The following CLCF1 variants were observed in gnomAD, a reference collection of about 807,000 sequenced individuals.
The protein encoded by CLCF1 is cardiotrophin-like cytokine factor 1.
In CLCF1, 10 loss-of-function variants were observed where a neutral mutation model predicts 21.2. The observed-to-expected ratio is 0.47, with a 90% CI of 0.29 to 0.80. CLCF1 has a LOEUF of 0.80. Ranked by LOEUF, CLCF1 falls within the 30% of genes least tolerant of loss-of-function variation. CLCF1 has a pLI of 0.09. For synonymous variants in CLCF1, 115 were observed against 120.5 expected (o/e 0.95, Z 0.30); for missense variants, 240 against 293.4 (o/e 0.82, Z 1.33).
At position 67,364,779 on chromosome 11, in the gene CLCF1, C is replaced by T. The variant is rs1182111730; in HGVS notation, c.*357G>A. 1 of 283,758 alleles carries T rather than the reference C, an allele frequency of 3.5e-6. No individual in the cohort carries two copies. The highest frequency in any genetic ancestry group is 2.2e-5 in the African/African-American group (1 of 45,600). The allele number at this position is 283,758 out of a possible 1,614,324, so 17.6% of individuals were successfully genotyped here. ...GCATGTGTGGTGGTGGCCCCTCAAC[C>T]CCTGCCCTCCAGATGTGCCACCTGA... On this transcript the variant is annotated 3_prime_UTR_variant, in exon 3 of 3. Transcript: ENST00000312438.
At position 67,367,359 on chromosome 11, in the gene CLCF1, CTCCTCACCCCATCAT is replaced by C. The variant is rs1392274509; in HGVS notation, c.183+86_183+100del. On this transcript the variant is annotated intron_variant, in intron 2 of 2. Coordinates refer to ENST00000312438, the MANE Select transcript of CLCF1 (RefSeq NM_013246.3). ...GGGACTGGTGGGAGCCAAAGAGCCC[CTCCTCACCCCATCAT>C]TTACCAGAACCCTCCACGGTTAGGA... 16 of 1,577,698 alleles carry C rather than the reference CTCCTCACCCCATCAT, an allele frequency of 1.0e-5. No individual in the cohort carries two copies. In the South Asian group the frequency reaches 1.6e-4, roughly 15 times the overall value.
At position 67,365,462 on chromosome 11, in the gene CLCF1, G is replaced by T. The variant is rs368762582; in HGVS notation, c.352C>A (p.Arg118Ser). 1.2e-6 allele frequency: 2 copies of T among 1,613,906 alleles called. No homozygotes were observed. Among genetic ancestry groups the T allele is most frequent in the African/African-American group, 1.3e-5 (1 of 74,952 alleles). The change falls in exon 3 of 3, where the codon CGT becomes AGT. Residue 118 changes from arginine to serine, a missense_variant. Arg to Ser is a moderately radical substitution (Grantham distance 110). Coordinates refer to ENST00000312438, the MANE Select transcript of CLCF1 (RefSeq NM_013246.3). The surrounding 1 kb of genome is among the most constrained non-coding windows in gnomAD (Gnocchi z 5.0). ...GTGGCAGCCTGACGGTTGAGGCCAC[G>T]CAAGTAACACAGAAGGTGGCTGTAG... is the stretch of plus-strand genomic sequence containing the variant. ...EAYSHLLCYLRGLNRQAATAE... is the reference protein window; with the variant it reads ...EAYSHLLCYLSGLNRQAATAE...
chr11:67,371,638 AG>A (rs1194725362), intron 1 of CLCF1, among the ~76,000 whole-genome samples: 1 of 152,064 alleles, frequency 6.6e-6, no homozygotes, highest in Non-Finnish European at 1.5e-5. Context: ...GCGGGGAGCC[AG>A]GGGGGAGCCC....
Position 67,370,519 on chromosome 11 carries a change from C to T in CLCF1, c.17-2893G>A, listed in dbSNP as rs181347281. ...TGAGCACGTGAGGAGCTAACGAGTA[C>T]AGCTCACGTTTCCTGCAACAGCCCC... On this transcript the variant is annotated intron_variant, in intron 1 of 2. Coordinates refer to ENST00000312438, the MANE Select transcript of CLCF1 (RefSeq NM_013246.3). The T allele has an allele frequency of 7.1e-6, 7 of 985,092 alleles. No homozygotes were observed. In the African/African-American group the frequency reaches 8.7e-5, roughly 12 times the overall value. 61.0% of individuals were successfully genotyped at this position (985,092 alleles called of 1,614,324 possible).
chr11:67,365,633 G>T lies in CLCF1; in HGVS notation c.184-3C>A. Reference sequence around the variant, plus strand: ...AAAGGGGGGCCCAGGTAGTTCAGCTGTGAAAAGGAGAGGGTGATGGGGAAG... The same window carrying T: ...AAAGGGGGGCCCAGGTAGTTCAGCTTTGAAAAGGAGAGGGTGATGGGGAAG... On this transcript the variant is annotated splice_region_variant and splice_polypyrimidine_tract_variant and intron_variant, in intron 2 of 2. Transcript: ENST00000312438. This position sits in a 1 kb window ranked among gnomAD's most constrained non-coding sequence, Gnocchi z 5.0. The T allele has an allele frequency of 6.2e-7, 1 of 1,604,368 alleles. No individual in the cohort carries two copies. The highest frequency in any genetic ancestry group is 8.5e-7 in the Non-Finnish European group (1 of 1,172,844).
chr11:67,370,265 G>T, intron 1 of CLCF1: 2 of 985,266 alleles, frequency 2.0e-6, no homozygotes, highest in Non-Finnish European at 2.4e-6. Flanking sequence ...AACACAGCTC[G>T]CCTGCCTCCT....
chr11:67,373,507 G>T lies in CLCF1; in HGVS notation c.16+17C>A. ...TTGGCGGGGCGGGGGTCGGGGCCTC[G>T]GCCGCCTGGCTCCTACCTGCTCGGA... is the stretch of plus-strand genomic sequence containing the variant. On this transcript the variant is annotated intron_variant, in intron 1 of 2. Coordinates refer to ENST00000312438, the MANE Select transcript of CLCF1 (RefSeq NM_013246.3). 7.3e-7 allele frequency: 1 copy of T among 1,361,778 alleles called. No homozygotes were observed. The highest frequency in any genetic ancestry group is 9.8e-7 in the Non-Finnish European group (1 of 1,024,936). The allele number at this position is 1,361,778 out of a possible 1,614,324, so 84.4% of individuals were successfully genotyped here.
intron 1 of CLCF1, among the ~76,000 whole-genome samples, chr11:67,371,879 C>A (rs1862243530): frequency 6.6e-6 from 1 of 151,926 alleles, no homozygotes; most frequent in Non-Finnish European, 1.5e-5. Flanking sequence ...GTGTGACGGA[C>A]AAGAGTGTGG....
intron 1 of CLCF1, 110 bp from the exon 2 acceptor site, chr11:67,367,736 G>A: frequency 6.5e-7 from 1 of 1,527,966 alleles, no homozygotes; most frequent in Non-Finnish European, 8.8e-7. Context: ...GGGGGTGAGG[G>A]TGGGACACCA....
rs894157767 is a variant in CLCF1, at chr11:67,369,933, A to C, written c.17-2307T>G. ...AACTAAGTCATCTGGGCAGAAAAAA[A>C]CGGCTCATGAAATTAACCAGACGAG... On this transcript the variant is annotated intron_variant, in intron 1 of 2. Transcript: ENST00000312438. 34 of 982,046 alleles carry C rather than the reference A, an allele frequency of 3.5e-5. No individual in the cohort carries two copies. In the Admixed American group the frequency reaches 6.9e-4, roughly 20 times the overall value. 60.8% of individuals were successfully genotyped at this position (982,046 alleles called of 1,614,324 possible). A position where few individuals can be genotyped will look rare whatever the true frequency, so the allele number is the denominator to read the frequency against.
chr11:67,373,788 G>T (rs937836261), upstream of CLCF1: 14 of 1,091,440 alleles, frequency 1.3e-5, no homozygotes, highest in African/African-American at 6.6e-5. Context: ...GGGGTAGGAG[G>T]GGGGAGGAGG....
intron 1 of CLCF1, chr11:67,368,744 G>T: frequency 1.0e-6 from 1 of 985,288 alleles, no homozygotes; most frequent in African/African-American, 1.7e-5. Flanking sequence ...CAAGGATGTG[G>T]TGAGGTCTGG....
chr11:67,370,917 G>A, intron 1 of CLCF1: 2 of 985,452 alleles, frequency 2.0e-6, no homozygotes, highest in Non-Finnish European at 2.4e-6. Context: ...GCACTGCAGA[G>A]CTCCAGAGGT....
In CLCF1 at chr11:67,365,371, G is replaced by T; in HGVS notation, c.443C>A (p.Ala148Glu). ...GTAGCCCAGAGCTGCCATGACGCCCGCAATGCTGCCCAGCAGGCCCTGGAG... is the reference window on the plus strand; with the variant it reads ...GTAGCCCAGAGCTGCCATGACGCCCTCAATGCTGCCCAGCAGGCCCTGGAG... ...TSLQGLLGSI[A>E]GVMAALGYPL... Residue 148 changes from alanine (A) to glutamate (E), a missense_variant, in exon 3 of 3, where the codon GCG becomes GAG. Physicochemically the swap from Ala to Glu is moderately radical, Grantham distance 107. Transcript: ENST00000312438. The surrounding 1 kb of genome is among the most constrained non-coding windows in gnomAD (Gnocchi z 5.0). The T allele has an allele frequency of 6.2e-7, 1 of 1,612,814 alleles. No homozygotes were observed. The highest frequency in any genetic ancestry group is 8.5e-7 in the Non-Finnish European group (1 of 1,179,476).
chr11:67,367,617 C>G lies in CLCF1; in HGVS notation c.26G>C (p.Trp9Ser). The G allele has an allele frequency of 6.2e-7, 1 of 1,613,328 alleles. No homozygotes were observed. Among genetic ancestry groups the G allele is most frequent in the Non-Finnish European group, 8.5e-7 (1 of 1,179,948 alleles). Residue 9 changes from tryptophan (W) to serine (S), a missense_variant, in exon 2 of 3, where the codon TGG (tryptophan) becomes TCG (serine). Coordinates refer to ENST00000312438, the MANE Select transcript of CLCF1 (RefSeq NM_013246.3). MDLRAGDSWGMLACLCTVL... is the reference protein window; with the variant it reads MDLRAGDSSGMLACLCTVL... ...CGTGCACAGGCACGCTAACATCCCC[C>G]ACGAGTCCCCTGTGGGCAGGATGGA...
At chr11:67,373,815 G>C, upstream of CLCF1, 1 of 1,089,980 alleles carries the variant, frequency 9.2e-7, no homozygotes, top group African/African-American at 1.6e-5. Flanking sequence ...AGGGCTTCTG[G>C]GGCTCCCTCT....
At chr11:67,373,643 G>T, upstream of CLCF1, 1 of 1,266,540 alleles carries the variant, frequency 7.9e-7, no homozygotes, top group South Asian at 2.7e-5. Context: ...CCATCCGCCA[G>T]GCCCACTCGC....
At position 67,370,697 on chromosome 11, in the gene CLCF1, G is replaced by A. The variant is rs542957203; in HGVS notation, c.16+2827C>T. The A allele has an allele frequency of 2.1e-4, 207 of 985,370 alleles. 2 individuals carry two copies. In the Middle Eastern group the frequency reaches 2.6e-3, roughly 12 times the overall value. 61.0% of individuals were successfully genotyped at this position (985,370 alleles called of 1,614,324 possible). On this transcript the variant is annotated intron_variant, in intron 1 of 2. Coordinates refer to ENST00000312438, the MANE Select transcript of CLCF1 (RefSeq NM_013246.3). ...CAGCTGCACAGGCAGGCGCACCCGTGAGCACATGTCTTTAGCCACTTTAGC... is the reference window on the plus strand; with the variant it reads ...CAGCTGCACAGGCAGGCGCACCCGTAAGCACATGTCTTTAGCCACTTTAGC...
intron 1 of CLCF1, among the ~76,000 whole-genome samples, chr11:67,373,028 G>A (rs1354564938): frequency 7.3e-6 from 1 of 137,710 alleles, no homozygotes; most frequent in East Asian, 2.4e-4. Context: ...CCTTCCTCCC[G>A]CCCGCCCTCC....
Sources: allele counts gnomAD v4.1 joint callset (sites outside exome capture counted in the v4.1 genomes callset), GRCh38; gene constraint gnomAD v4.1.1; non-coding constraint Gnocchi (gnomAD v3.1); transcripts MANE v1.5; gene names NCBI Gene and HGNC (gene_info 2026-07-23, HGNC 2026-07-21).